TMEM39B: variants seen among roughly 807,000 people sequenced by gnomAD.
TMEM39B encodes the protein transmembrane protein 39B.
TMEM39B carries 23 observed loss-of-function variants against 52.2 expected under a neutral mutation model. The ratio of observed to expected loss-of-function variants is 0.44; its 90% confidence interval spans 0.32 to 0.62. The LOEUF is 0.62. Ranked by LOEUF, TMEM39B falls within the 20% of genes least tolerant of loss-of-function variation. The pLI, the probability that TMEM39B is intolerant of heterozygous loss-of-function variation, is 0.06. For synonymous variants in TMEM39B, 285 were observed against 264.0 expected (o/e 1.08, Z -0.77); for missense variants, 547 against 642.0 (o/e 0.85, Z 1.60).
chr1:32,089,956 G>C (rs1197265988), intron 5 of TMEM39B, among the ~76,000 whole-genome samples: 1 of 151,818 alleles, frequency 6.6e-6, no homozygotes, highest in African/African-American at 2.4e-5. Context: ...TTGAACCCAG[G>C]AGGCGGAGGT....
At chr1:32,100,714 A>T in intron 8 of TMEM39B, 152 bp downstream of exon 8, 2 of 1,085,352 alleles carry the variant, frequency 1.8e-6, no homozygotes, top group Non-Finnish European at 2.7e-6. Context: ...AAGGACAGCC[A>T]TATAAATTGT....
Position 32,072,984 on chromosome 1 carries a change from G to T in TMEM39B, c.-64G>T, listed in dbSNP as rs545823957. 3.9e-5 allele frequency: 59 copies of T among 1,529,182 alleles called. No homozygotes were observed. In the African/African-American group the frequency reaches 7.9e-4, roughly 20 times the overall value. 94.7% of individuals were successfully genotyped at this position (1,529,182 alleles called of 1,614,324 possible). A position where few individuals can be genotyped will look rare whatever the true frequency, so the allele number is the denominator to read the frequency against. On this transcript the variant is annotated 5_prime_UTR_variant, in exon 1 of 9. Coordinates refer to ENST00000336294, the MANE Select transcript of TMEM39B (RefSeq NM_018056.4). ...GGCGGTTAGTCCTCTCCCGGCCGCC[G>T]TCGCCTCCGACATATTGCCCGCAGG...
rs766179974 is a variant in TMEM39B, at chr1:32,073,035, C to G, written c.-13C>G. ...AGCTGCGGCGGCGAAGCGGAGAGCACCGGGGGGAGGAGATGGGTGAGCAGA... is the reference window on the plus strand; with the variant it reads ...AGCTGCGGCGGCGAAGCGGAGAGCAGCGGGGGGAGGAGATGGGTGAGCAGA... On this transcript the variant is annotated 5_prime_UTR_variant, in exon 1 of 9. Transcript: ENST00000336294. The G allele has an allele frequency of 1.3e-6, 2 of 1,525,992 alleles. No individual in the cohort carries two copies. The highest frequency in any genetic ancestry group is 1.2e-5 in the South Asian group (1 of 82,120). The allele number at this position is 1,525,992 out of a possible 1,614,324, so 94.5% of individuals were successfully genotyped here. A position where few individuals can be genotyped will look rare whatever the true frequency, so the allele number is the denominator to read the frequency against.
rs1316933065 is a variant in TMEM39B, at chr1:32,089,155, T to TTA, written c.591-2520_591-2519insTA. On this transcript the variant is annotated intron_variant, in intron 5 of 8. Transcript: ENST00000336294. ...AATTTTTTTTTTTTTTTTTTTTTTT[T>TTA]AGACAGGGTCTCATTCTGTCACCCA... Among the ~76,000 whole-genome samples, 720 of 149,092 alleles carry TTA rather than the reference T, an allele frequency of 4.8e-3. 4 individuals are homozygous for TTA. Among genetic ancestry groups the TTA allele is most frequent in the African/African-American group, 0.016 (648 of 40,298 alleles).
chr1:32,101,960 G>A (rs1232089584), intron 8 of TMEM39B, among the ~76,000 whole-genome samples: 5 of 152,114 alleles, frequency 3.3e-5, no homozygotes, highest in Non-Finnish European at 7.3e-5. Flanking sequence ...TCAGGCTGTA[G>A]AGTCTGTAAT....
At chr1:32,089,849 A>G (rs1640530883) in intron 5 of TMEM39B, among the ~76,000 whole-genome samples, 1 of 151,744 alleles carries the variant, frequency 6.6e-6, no homozygotes, top group African/African-American at 2.4e-5. Flanking sequence ...GGCCAACATC[A>G]TGAAACCCCA....
intron 6 of TMEM39B, among the ~76,000 whole-genome samples, chr1:32,093,280 G>A (rs1228730811): frequency 1.3e-5 from 2 of 151,408 alleles, no homozygotes; most frequent in Admixed American, 1.3e-4. Flanking sequence ...TGTATTTTTA[G>A]TAGAGACGGG....
chr1:32,094,091 T>TA (rs1375572217), intron 6 of TMEM39B, among the ~76,000 whole-genome samples: 2 of 143,658 alleles, frequency 1.4e-5, no homozygotes, highest in Admixed American at 1.5e-4. Context: ...GTGCTGGGAT[T>TA]ACAGGTGTGA....
chr1:32,095,557 A>G (rs561195794), intron 7 of TMEM39B: 1 of 155,162 alleles, frequency 6.4e-6, no homozygotes, highest in South Asian at 2.0e-4. Context: ...GCAAGAAGGC[A>G]CTGCACCCAG....
In TMEM39B at chr1:32,086,204, A is replaced by G. The variant is rs977062947; in HGVS notation, c.591-5471A>G. Among the ~76,000 whole-genome samples the G allele has an allele frequency of 2.6e-5, 4 of 152,258 alleles. No homozygotes were observed. The East Asian group carries it at 7.7e-4, about 29-fold the overall frequency. ...TGACTCTTATAAATAAACATAGGTC[A>G]TTGTTTAATCCCATTTATTCATACC... On this transcript the variant is annotated intron_variant, in intron 5 of 8. Transcript: ENST00000336294.
intron 5 of TMEM39B, among the ~76,000 whole-genome samples, chr1:32,080,211 T>C (rs1435228846): frequency 6.6e-6 from 1 of 152,114 alleles, no homozygotes; most frequent in African/African-American, 2.4e-5. Context: ...TTAAGTTGTT[T>C]CTAGCTTTTC....
At chr1:32,098,725 C>G (rs369792135) in intron 7 of TMEM39B, among the ~76,000 whole-genome samples, 1 of 151,806 alleles carries the variant, frequency 6.6e-6, no homozygotes, top group Non-Finnish European at 1.5e-5. Flanking sequence ...GGCGAAAGAG[C>G]GAGACTCTGT....
At chr1:32,076,952 G>A (rs887113866) in intron 4 of TMEM39B, 106 bp downstream of exon 4, 30 of 1,379,724 alleles carry the variant, frequency 2.2e-5, no homozygotes, top group African/African-American at 2.9e-5. Flanking sequence ...TTTCCTTGGG[G>A]CTCCCTTTGG....
rs1282010529 is a variant in TMEM39B at position 32,100,559 on chromosome 1, C to T, written c.1233C>T (p.Phe411=). The T allele has an allele frequency of 3.1e-6, 5 of 1,614,026 alleles. No individual in the cohort carries two copies. The highest frequency in any genetic ancestry group is 2.7e-5 in the African/African-American group (2 of 74,920). The change falls in exon 8 of 9, where the codon TTC becomes TTT. Residue 411 remains phenylalanine (F), a synonymous_variant. Transcript: ENST00000336294. Reference sequence around the variant, plus strand: ...CCTCTGACGTCTCCCACTTCCGCTTCCATGTGAGTCTCCTCCCCGGGGAAG... The same window carrying T: ...CCTCTGACGTCTCCCACTTCCGCTTTCATGTGAGTCTCCTCCCCGGGGAAG... ...AIPSDVSHFR[F]HFFFSKPLRI...
At chr1:32,087,319 C>CAAAAAAA (rs1207083221) in intron 5 of TMEM39B, among the ~76,000 whole-genome samples, 2 of 29,000 alleles carry the variant, frequency 6.9e-5, no homozygotes, top group African/African-American at 1.3e-4. Flanking sequence ...CTCCGTCTCA[C>CAAAAAAA]AAAAAAAAAA....
intron 5 of TMEM39B, among the ~76,000 whole-genome samples, chr1:32,083,925 C>T (rs1270835304): frequency 6.6e-6 from 1 of 152,034 alleles, no homozygotes; most frequent in African/African-American, 2.4e-5. Context: ...CCAGAGGTTA[C>T]AGTGAGCTGA....
At chr1:32,090,802 G>A (rs935985464) in intron 5 of TMEM39B, among the ~76,000 whole-genome samples, 11 of 152,058 alleles carry the variant, frequency 7.2e-5, no homozygotes, top group Admixed American at 7.2e-4. Context: ...ACCACGCCCG[G>A]CTAATTTTTT....
intron 8 of TMEM39B, 64 bp downstream of exon 8, chr1:32,100,626 G>C (rs1441546936): frequency 6.2e-7 from 1 of 1,603,114 alleles, no homozygotes; most frequent in African/African-American, 1.3e-5. Context: ...TGCAGGGCAG[G>C]AATGTGATGT....
chr1:32,099,759 A>T (rs1382062015), intron 7 of TMEM39B, among the ~76,000 whole-genome samples: 1 of 152,142 alleles, frequency 6.6e-6, no homozygotes, highest in African/African-American at 2.4e-5. Flanking sequence ...AAAAGGTTTT[A>T]AGCAGGACCA....
Sources: gnomAD v4.1 joint callset for allele counts (sites outside exome capture counted in the v4.1 genomes callset) on GRCh38, gnomAD v4.1.1 for gene constraint, MANE v1.5 for transcripts, NCBI Gene and HGNC (gene_info 2026-07-23, HGNC 2026-07-21) for gene names.